OCA2: variants seen among roughly 807,000 people sequenced by gnomAD.
OCA2 encodes OCA2 melanosomal transmembrane protein, also known as P protein.
OCA2 carries 77 observed loss-of-function variants against 100.2 expected under a neutral mutation model. The observed-to-expected ratio is 0.77, with a 90% CI of 0.64 to 0.93. The LOEUF is 0.93. Ranked by LOEUF, OCA2 falls within the 40% of genes least tolerant of loss-of-function variation. OCA2 has a pLI of 0.00. For synonymous variants in OCA2, 432 were observed against 439.2 expected (o/e 0.98, Z 0.21); for missense variants, 1,062 against 1,089.1 (o/e 0.98, Z 0.35).
chr15:27,987,221 T>C (rs945956657), intron 11 of OCA2, among the ~76,000 whole-genome samples: 1 of 152,172 alleles, frequency 6.6e-6, no homozygotes, highest in Non-Finnish European at 1.5e-5. Context: ...CCAGTGAGGA[T>C]GATGAGTTAG....
chr15:27,806,929 T>A (rs973120474), intron 23 of OCA2, among the ~76,000 whole-genome samples: 2 of 152,046 alleles, frequency 1.3e-5, no homozygotes, highest in African/African-American at 4.8e-5. Context: ...CTGCCCACAT[T>A]CTGCATGGCA....
At chr15:27,743,220 T>C in the OCA2 span, among the ~76,000 whole-genome samples, 4 of 152,084 alleles carry the variant, frequency 2.6e-5, no homozygotes, top group Non-Finnish European at 4.4e-5. Context: ...TGCCAGTTAC[T>C]GGCAAGAGGA....
intron 1 of OCA2, among the ~76,000 whole-genome samples, chr15:28,097,488 C>A (rs2045007831): frequency 6.6e-6 from 1 of 152,220 alleles, no homozygotes; most frequent in South Asian, 2.1e-4. Context: ...CCCCTGGCCT[C>A]CAGGCTCTGG....
rs986195754 is a variant in OCA2, at chr15:28,082,482, C to T, written c.-21-587G>A. Among the ~76,000 whole-genome samples, 3 of 152,194 alleles carry T rather than the reference C, an allele frequency of 2.0e-5. No homozygotes were observed. In the South Asian group the frequency reaches 6.2e-4, roughly 31 times the overall value. On this transcript the variant is annotated intron_variant, in intron 1 of 23. Transcript: ENST00000354638. Reference sequence around the variant, plus strand: ...CCCACCAGAAGGAACCAACTCCGGACACCCTAGCAGTGGCCTAAGTGTTCA... The same window carrying T: ...CCCACCAGAAGGAACCAACTCCGGATACCCTAGCAGTGGCCTAAGTGTTCA...
chr15:27,818,710 C>T (rs978907186), intron 23 of OCA2, among the ~76,000 whole-genome samples: 1 of 152,194 alleles, frequency 6.6e-6, no homozygotes, highest in Admixed American at 6.5e-5. Flanking sequence ...AGAAAACACT[C>T]TACTGAGCTC....
intron 21 of OCA2, among the ~76,000 whole-genome samples, chr15:27,863,821 T>G (rs557899645): frequency 2.0e-5 from 3 of 152,246 alleles, no homozygotes; most frequent in Non-Finnish European, 4.4e-5. Flanking sequence ...TATTTTTTGT[T>G]GAAAACATTA....
intron 21 of OCA2, among the ~76,000 whole-genome samples, chr15:27,862,051 T>C (rs1490021811): frequency 6.6e-6 from 1 of 152,222 alleles, no homozygotes; most frequent in Non-Finnish European, 1.5e-5. Flanking sequence ...ACAGAAAGCA[T>C]GGTCATCAGC....
chr15:27,730,440 C>T, the OCA2 span, among the ~76,000 whole-genome samples: 1 of 152,090 alleles, frequency 6.6e-6, no homozygotes, highest in South Asian at 2.1e-4. Context: ...CTGCAAACCC[C>T]GTTGTTTAAG....
intron 19 of OCA2, among the ~76,000 whole-genome samples, chr15:27,913,603 T>C (rs950700438): frequency 6.6e-6 from 1 of 151,704 alleles, no homozygotes; most frequent in African/African-American, 2.4e-5. Flanking sequence ...ATCCTTGTTA[T>C]AAGAAGAGAC....
intron 11 of OCA2, 151 bp from the exon 12 acceptor site, chr15:27,986,794 T>C (rs2140991100): frequency 7.0e-6 from 5 of 718,670 alleles, no homozygotes; most frequent in South Asian, 6.3e-5. Context: ...AGACCGTCAC[T>C]TCCTGGAATA....
At chr15:27,767,547 C>A (rs1309471785) in intron 23 of OCA2, among the ~76,000 whole-genome samples, 1 of 151,632 alleles carries the variant, frequency 6.6e-6, no homozygotes, top group East Asian at 1.9e-4. Flanking sequence ...CACCAATCAG[C>A]ACTCTGTAAA....
At chr15:28,059,732 C>T (rs999332829) in intron 2 of OCA2, among the ~76,000 whole-genome samples, 2 of 152,194 alleles carry the variant, frequency 1.3e-5, no homozygotes, top group Admixed American at 6.5e-5. Context: ...GAGCAAATCT[C>T]CTCTTGGAAG....
In OCA2 at chr15:27,957,862, G is replaced by C; in HGVS notation, c.1637-127C>G. ...ACACTCGAGACGTGCAGGTAGCCCA[G>C]GGTCACCCAGAGCTTCTCAGCACCT... On this transcript the variant is annotated intron_variant, in intron 15 of 23. Coordinates refer to ENST00000354638, the MANE Select transcript of OCA2 (RefSeq NM_000275.3). This position sits in a 1 kb window ranked among gnomAD's most constrained non-coding sequence, Gnocchi z 4.3. The C allele has an allele frequency of 9.2e-7, 1 of 1,091,692 alleles. No individual in the cohort carries two copies. The highest frequency in any genetic ancestry group is 1.4e-6 in the Non-Finnish European group (1 of 733,978). The allele number at this position is 1,091,692 out of a possible 1,614,324, so 67.6% of individuals were successfully genotyped here. A position where few individuals can be genotyped will look rare whatever the true frequency, so the allele number is the denominator to read the frequency against.
chr15:27,958,056 TG>T (rs2040290059), intron 15 of OCA2, among the ~76,000 whole-genome samples: 1 of 151,592 alleles, frequency 6.6e-6, no homozygotes, highest in African/African-American at 2.4e-5. Context: ...TGTTGTGGGG[TG>T]GGGGTAGGGG....
At chr15:28,085,798 C>G (rs1197931306) in intron 1 of OCA2, among the ~76,000 whole-genome samples, 2 of 152,154 alleles carry the variant, frequency 1.3e-5, no homozygotes, top group African/African-American at 4.8e-5. Flanking sequence ...CTACTTTTCC[C>G]TGTTCTTCCT....
intron 7 of OCA2, among the ~76,000 whole-genome samples, chr15:28,017,979 C>G (rs1372802724): frequency 6.6e-6 from 1 of 151,974 alleles, no homozygotes; most frequent in Non-Finnish European, 1.5e-5. Context: ...TACACAGATA[C>G]AGCAGCTCAG....
At chr15:27,836,482 T>C (rs1315428737) in intron 23 of OCA2, among the ~76,000 whole-genome samples, 1 of 152,222 alleles carries the variant, frequency 6.6e-6, no homozygotes, top group Non-Finnish European at 1.5e-5. Flanking sequence ...AGACTAACTT[T>C]GAAATTTACG....
chr15:27,777,594 A>AT (rs1400582308), intron 23 of OCA2, among the ~76,000 whole-genome samples: 3 of 152,202 alleles, frequency 2.0e-5, no homozygotes, highest in Non-Finnish European at 4.4e-5. Flanking sequence ...ATGTGCACAC[A>AT]TTTTTTATTC....
intron 23 of OCA2, among the ~76,000 whole-genome samples, chr15:27,765,593 C>T (rs941658233): frequency 2.0e-5 from 3 of 152,208 alleles, no homozygotes; most frequent in Non-Finnish European, 2.9e-5. Flanking sequence ...ATCACACTTA[C>T]ATGTAGACAT....
Sources: allele counts gnomAD v4.1 joint callset (sites outside exome capture counted in the v4.1 genomes callset), GRCh38; gene constraint gnomAD v4.1.1; non-coding constraint Gnocchi (gnomAD v3.1); transcripts MANE v1.5; gene names NCBI Gene and HGNC (gene_info 2026-07-23, HGNC 2026-07-21).